The following SEMA6D variants were observed in gnomAD, a reference collection of about 807,000 sequenced individuals.
SEMA6D encodes the protein semaphorin-6D.
A neutral mutation model predicts 106.6 loss-of-function variants in SEMA6D; 35 were observed. The observed-to-expected ratio is 0.33, with a 90% CI of 0.25 to 0.44. The LOEUF (loss-of-function observed/expected upper bound fraction) is 0.44, where lower values mean the gene tolerates loss of function less well. Ranked by LOEUF, SEMA6D falls within the 20% of genes least tolerant of loss-of-function variation. The pLI, the probability that SEMA6D is intolerant of heterozygous loss-of-function variation, is 1.00. For missense variants in SEMA6D, 1,185 were observed against 1,345.9 expected, an observed-to-expected ratio of 0.88 and a Z score of 1.87; for synonymous variants, 499 against 487.7, an observed-to-expected ratio of 1.02 and a Z score of -0.31.
intron 4 of SEMA6D, among the ~76,000 whole-genome samples, chr15:47,640,069 GAC>G (rs2077461160): frequency 6.6e-6 from 1 of 152,220 alleles, no homozygotes; most frequent in Non-Finnish European, 1.5e-5. Context: ...AATAATAGGA[GAC>G]ACTGAATGCA....
At chr15:47,641,375 G>A (rs531089393) in intron 4 of SEMA6D, among the ~76,000 whole-genome samples, 3 of 152,304 alleles carry the variant, frequency 2.0e-5, no homozygotes, top group Admixed American at 6.5e-5. Context: ...TGCTGTTCTT[G>A]TCTGCATGGC....
intron 3 of SEMA6D, among the ~76,000 whole-genome samples, chr15:47,510,572 G>C (rs1419230830): frequency 6.6e-6 from 1 of 152,216 alleles, no homozygotes; most frequent in Non-Finnish European, 1.5e-5. Flanking sequence ...ATCTTGGTCT[G>C]AAGGAGTTTT....
At chr15:47,347,007 C>T (rs1217821060) in intron 1 of SEMA6D, among the ~76,000 whole-genome samples, 1 of 152,094 alleles carries the variant, frequency 6.6e-6, no homozygotes, top group Non-Finnish European at 1.5e-5. Flanking sequence ...CTCCCGGGTT[C>T]AAGCGATTCT....
chr15:47,539,415 T>TTTG (rs1555387489), intron 3 of SEMA6D, among the ~76,000 whole-genome samples: 8 of 151,932 alleles, frequency 5.3e-5, no homozygotes, highest in Non-Finnish European at 7.4e-5. Context: ...CAGTTTTTTT[T>TTTG]TTTGTTTGTT....
At position 47,597,336 on chromosome 15, in the gene SEMA6D, G is replaced by A. The variant is rs998528128; in HGVS notation, c.-86-3529G>A. Among the ~76,000 whole-genome samples the A allele has an allele frequency of 5.3e-5, 8 of 152,106 alleles. No individual in the cohort carries two copies. In the South Asian group the frequency reaches 1.0e-3, roughly 20 times the overall value. On this transcript the variant is annotated intron_variant, in intron 3 of 19. Coordinates refer to the SEMA6D transcript ENST00000558014. ...TTCCTCAAAAAACTAAAAACAGAACGACAGTATGGTCCGGCAATTCCACTA... is the reference window on the plus strand; with the variant it reads ...TTCCTCAAAAAACTAAAAACAGAACAACAGTATGGTCCGGCAATTCCACTA...
intron 1 of SEMA6D, among the ~76,000 whole-genome samples, chr15:47,286,147 C>T (rs1388748654): frequency 6.6e-6 from 1 of 152,136 alleles, no homozygotes; most frequent in African/African-American, 2.4e-5. Flanking sequence ...TCTCCTTGGT[C>T]TCTGAAACCA....
chr15:47,270,174 A>G (rs981284855), intron 1 of SEMA6D, among the ~76,000 whole-genome samples: 2 of 148,266 alleles, frequency 1.3e-5, no homozygotes, highest in Non-Finnish European at 3.0e-5. Context: ...TATATTTATT[A>G]TAGTTATATT....
chr15:47,324,369 C>G (rs1329933345), intron 1 of SEMA6D, among the ~76,000 whole-genome samples: 2 of 151,974 alleles, frequency 1.3e-5, no homozygotes, highest in Admixed American at 1.3e-4. Flanking sequence ...CCTGTATTTA[C>G]CTAATTTTGA....
At chr15:47,639,975 A>C (rs73392814) in intron 4 of SEMA6D, among the ~76,000 whole-genome samples, 5,225 of 152,266 alleles carry the variant, frequency 0.034, 293 homozygotes, top group African/African-American at 0.12. Context: ...TGGATATCGA[A>C]ATAAACTATG....
At chr15:47,684,014 T>C (rs2078416890) in intron 4 of SEMA6D, among the ~76,000 whole-genome samples, 1 of 152,208 alleles carries the variant, frequency 6.6e-6, no homozygotes, top group South Asian at 2.1e-4. Flanking sequence ...TTGTATCAAT[T>C]GATATGGAGT....
intron 4 of SEMA6D, among the ~76,000 whole-genome samples, chr15:47,637,952 C>T (rs1399051152): frequency 6.6e-6 from 1 of 152,082 alleles, no homozygotes; most frequent in Non-Finnish European, 1.5e-5. Flanking sequence ...AAAATAATAC[C>T]TGAGTAGAAA....
chr15:47,376,459 C>G (rs545472668), intron 1 of SEMA6D, among the ~76,000 whole-genome samples: 40 of 152,292 alleles, frequency 2.6e-4, no homozygotes, highest in African/African-American at 9.4e-4. Flanking sequence ...AAAGTTGGCT[C>G]CATCATAATG....
chr15:47,766,303 C>T, intron 15 of SEMA6D, 121 bp downstream of exon 15: 1 of 855,986 alleles, frequency 1.2e-6, no homozygotes, highest in South Asian at 1.9e-5. Context: ...ATGGGAGAAA[C>T]AGGAAAACGA....
At position 47,771,987 on chromosome 15, in the gene SEMA6D, AAAGG is replaced by A. The variant is rs1814206359; in HGVS notation, c.*207_*210del. On this transcript the variant is annotated 3_prime_UTR_variant, in exon 19 of 19. Coordinates refer to ENST00000536845, the MANE Select transcript of SEMA6D (RefSeq NM_001358351.3). Reference sequence around the variant, plus strand: ...GGCTTCTGTGTACTTGCCTGAAAACAAAGGAAGGTGCTGGTCATTCCATTTCTTT... The same window carrying A: ...GGCTTCTGTGTACTTGCCTGAAAACAAAGGTGCTGGTCATTCCATTTCTTT... The A allele has an allele frequency of 1.7e-6, 1 of 581,286 alleles. No individual in the cohort carries two copies. The highest frequency in any genetic ancestry group is 3.0e-6 in the Non-Finnish European group (1 of 330,674). 36.0% of individuals were successfully genotyped at this position (581,286 alleles called of 1,614,324 possible).
At chr15:47,732,091 T>G (rs1323621087) in intron 1 of SEMA6D, among the ~76,000 whole-genome samples, 1 of 152,214 alleles carries the variant, frequency 6.6e-6, no homozygotes, top group African/African-American at 2.4e-5. Flanking sequence ...GCATGGAAAT[T>G]GACCGTCACA....
chr15:47,764,937 C>T lies in SEMA6D; in HGVS notation c.1308C>T (p.Tyr436=), dbSNP rs2082257596. 6.2e-7 allele frequency: 1 copy of T among 1,613,850 alleles called. No homozygotes were observed. Among genetic ancestry groups the T allele is most frequent in the African/African-American group, 1.3e-5 (1 of 74,904 alleles). The change falls in exon 13 of 19, where the codon TAC becomes TAT. Residue 436 remains tyrosine, a synonymous_variant. Transcript: ENST00000536845. ...ATTCAGCCGGACCCTACCAGAACTA[C>T]ACAGTCATCTTTGTTGGCTCTGAAG... The part of the protein sequence containing the change: ...VDHSAGPYQN[Y]TVIFVGSEAG...
chr15:47,196,178 A>G (rs1894342549), intron 1 of SEMA6D, among the ~76,000 whole-genome samples: 1 of 152,128 alleles, frequency 6.6e-6, no homozygotes, highest in Non-Finnish European at 1.5e-5. Flanking sequence ...TCCAGGTGGC[A>G]GCATGGCCCA....
At chr15:47,333,590 G>T (rs2037431264) in intron 1 of SEMA6D, among the ~76,000 whole-genome samples, 1 of 152,120 alleles carries the variant, frequency 6.6e-6, no homozygotes. Flanking sequence ...ATTGGGAAGT[G>T]AATTTGATGG....
intron 1 of SEMA6D, among the ~76,000 whole-genome samples, chr15:47,727,495 A>G (rs1004300215): frequency 6.6e-6 from 1 of 152,224 alleles, no homozygotes; most frequent in Non-Finnish European, 1.5e-5. Flanking sequence ...CTATCCAAAC[A>G]AGGTGCTAGA....
Sources: gnomAD v4.1 joint callset for allele counts (sites outside exome capture counted in the v4.1 genomes callset) on GRCh38, gnomAD v4.1.1 for gene constraint, MANE v1.5 for transcripts, NCBI Gene and HGNC (gene_info 2026-07-23, HGNC 2026-07-21) for gene names.